SYT9: variants seen among roughly 807,000 people sequenced by gnomAD.
The protein encoded by SYT9 is synaptotagmin-9.
SYT9 carries 22 observed loss-of-function variants against 48.4 expected under a neutral mutation model. The observed-to-expected ratio is 0.45, with a 90% CI of 0.32 to 0.65. The LOEUF is 0.65. SYT9 is among the 30% of genes least tolerant of loss of function. The pLI is 0.03. For synonymous variants in SYT9, 265 were observed against 245.0 expected (o/e 1.08, Z -0.76); for missense variants, 577 against 622.0 (o/e 0.93, Z 0.77).
intron 3 of SYT9, among the ~76,000 whole-genome samples, chr11:7,405,309 C>A (rs754799581): frequency 5.3e-5 from 8 of 152,116 alleles, no homozygotes; most frequent in Non-Finnish European, 8.8e-5. Flanking sequence ...CAGTAACACA[C>A]CCTCCTCCAC....
chr11:7,387,507 C>T (rs1421725716), intron 3 of SYT9, among the ~76,000 whole-genome samples: 2 of 152,132 alleles, frequency 1.3e-5, no homozygotes, highest in Non-Finnish European at 2.9e-5. Flanking sequence ...ATCATGTCGT[C>T]TAACGATAAT....
At chr11:7,278,074 T>C (rs1274926337) in intron 1 of SYT9, among the ~76,000 whole-genome samples, 1 of 152,222 alleles carries the variant, frequency 6.6e-6, no homozygotes, top group Non-Finnish European at 1.5e-5. Flanking sequence ...GTGGGAACTT[T>C]CTGAAGAGTC....
At chr11:7,426,551 G>A (rs1445073394) in intron 6 of SYT9, among the ~76,000 whole-genome samples, 1 of 152,106 alleles carries the variant, frequency 6.6e-6, no homozygotes, top group Admixed American at 6.5e-5. Flanking sequence ...GCCATCACAG[G>A]CATCTTCTTC....
intron 1 of SYT9, among the ~76,000 whole-genome samples, chr11:7,287,753 G>A (rs1848622574): frequency 1.3e-5 from 2 of 152,222 alleles, no homozygotes; most frequent in South Asian, 4.2e-4. Context: ...AAATAATGAT[G>A]ACTTTTAACT....
rs777321443 is a variant in SYT9 at position 7,466,829 on chromosome 11, G to A, written c.*29G>A. 88 of 1,609,036 alleles carry A rather than the reference G, an allele frequency of 5.5e-5. No homozygotes were observed. In the Middle Eastern group the frequency reaches 6.6e-4, roughly 12 times the overall value. On this transcript the variant is annotated 3_prime_UTR_variant, in exon 7 of 7. Transcript: ENST00000318881. ...TGGGTAAGAGGACTGCTTGTGCCAA[G>A]GACAAAATAGGACAACCATCTCACA...
intron 6 of SYT9, among the ~76,000 whole-genome samples, chr11:7,446,656 C>A (rs1469440243): frequency 1.3e-5 from 2 of 152,190 alleles, no homozygotes; most frequent in Admixed American, 6.5e-5. Context: ...CCTGGCCATC[C>A]CCCCCAGCCT....
At chr11:7,466,518 C>T (rs1157706620) in intron 6 of SYT9, among the ~76,000 whole-genome samples, 1 of 151,966 alleles carries the variant, frequency 6.6e-6, no homozygotes, top group East Asian at 1.9e-4. Context: ...GTCAGGAGTT[C>T]GAGCCCAGCC....
chr11:7,433,845 A>G (rs1460297735), intron 6 of SYT9, among the ~76,000 whole-genome samples: 12 of 152,164 alleles, frequency 7.9e-5, no homozygotes. Context: ...AAATTATCCA[A>G]TCTAAGATAT....
intron 3 of SYT9, among the ~76,000 whole-genome samples, chr11:7,317,682 C>T (rs977685274): frequency 1.3e-5 from 2 of 152,098 alleles, no homozygotes; most frequent in African/African-American, 4.8e-5. Flanking sequence ...ATAACATATC[C>T]ATATTTATTT....
chr11:7,442,598 C>T (rs1847848151), intron 6 of SYT9, among the ~76,000 whole-genome samples: 1 of 152,158 alleles, frequency 6.6e-6, no homozygotes, highest in African/African-American at 2.4e-5. Flanking sequence ...AATTGGTCCC[C>T]CTCCTTTATG....
At chr11:7,254,314 A>G (rs1564837172) in intron 1 of SYT9, among the ~76,000 whole-genome samples, 1 of 152,142 alleles carries the variant, frequency 6.6e-6, no homozygotes, top group Non-Finnish European at 1.5e-5. Context: ...GCTCATGAGG[A>G]CAGGGGTGGG....
intron 6 of SYT9, among the ~76,000 whole-genome samples, chr11:7,429,033 C>A (rs963739124): frequency 2.6e-5 from 4 of 152,088 alleles, no homozygotes; most frequent in Admixed American, 6.5e-5. Flanking sequence ...ACTCACACTC[C>A]AGCAACAAAA....
chr11:7,369,150 T>C (rs1049849280), intron 3 of SYT9, among the ~76,000 whole-genome samples: 1 of 152,220 alleles, frequency 6.6e-6, no homozygotes, highest in African/African-American at 2.4e-5. Context: ...ATCTGTTGTT[T>C]CCTGACTTTT....
chr11:7,445,613 G>C lies in SYT9; in HGVS notation c.1468-21179G>C, dbSNP rs114664143. Reference sequence around the variant, plus strand: ...TTTTCTCTCTTTCTCATGGGCTTTCGCTGGCTGACGGTGGGATATAGTCAT... The same window carrying C: ...TTTTCTCTCTTTCTCATGGGCTTTCCCTGGCTGACGGTGGGATATAGTCAT... On this transcript the variant is annotated intron_variant, in intron 6 of 6. Transcript: ENST00000318881. 3.0e-3 allele frequency among the ~76,000 whole-genome samples: 462 copies of C among 152,162 alleles called. 2 individuals are homozygous for C. Among genetic ancestry groups the C allele is most frequent in the African/African-American group, 0.01 (419 of 41,492 alleles).
At position 7,417,904 on chromosome 11, in the gene SYT9, A is replaced by T. The variant is rs114820213; in HGVS notation, c.1166-53A>T. The T allele has an allele frequency of 9.9e-4, 1,548 of 1,569,526 alleles. 14 individuals are homozygous for T. The African/African-American group carries it at 0.018, about 18-fold the overall frequency. On this transcript the variant is annotated intron_variant, in intron 4 of 6. Transcript: ENST00000318881. Reference sequence around the variant, plus strand: ...AAAACTCACAGTGATATAACTGCCCACCTAAATCTATACGTATCCTCACAG... The same window carrying T: ...AAAACTCACAGTGATATAACTGCCCTCCTAAATCTATACGTATCCTCACAG...
chr11:7,303,016 C>T (rs1250717577), intron 1 of SYT9, 23 bp from the exon 2 acceptor site: 1 of 1,606,938 alleles, frequency 6.2e-7, no homozygotes, highest in African/African-American at 1.3e-5. Flanking sequence ...CCACACTGAC[C>T]TTTGATCTTT....
chr11:7,303,260 C>T lies in SYT9; in HGVS notation c.367C>T (p.Pro123Ser). 6.2e-7 allele frequency: 1 copy of T among 1,613,888 alleles called. No homozygotes were observed. Among genetic ancestry groups the T allele is most frequent in the Non-Finnish European group, 8.5e-7 (1 of 1,179,812 alleles). The part of the protein sequence containing the change: ...EDFLDPPTPC[P>S]DSSMKISHTS... ...CTTCCTAGATCCTCCCACGCCCTGC[C>T]CTGACTCCTCCATGAAGATCAGCCA... The change falls in exon 2 of 7, where the codon CCT becomes TCT. Residue 123 changes from proline (P) to serine (S), a missense_variant. Physicochemically the swap from Pro to Ser is moderately conservative, Grantham distance 74. Transcript: ENST00000318881.
upstream of SYT9, among the ~76,000 whole-genome samples, chr11:7,247,256 C>T (rs930725485): frequency 4.6e-5 from 7 of 152,034 alleles, no homozygotes. Context: ...GCCCCCTTCC[C>T]ACCCTTTCCC....
At chr11:7,365,555 C>T (rs942272974) in intron 3 of SYT9, among the ~76,000 whole-genome samples, 3 of 152,198 alleles carry the variant, frequency 2.0e-5, no homozygotes, top group South Asian at 2.1e-4. Context: ...TTGCTCACCA[C>T]GAAGCCTAAC....
Sources: allele counts gnomAD v4.1 joint callset (sites outside exome capture counted in the v4.1 genomes callset), GRCh38; gene constraint gnomAD v4.1.1; transcripts MANE v1.5; gene names NCBI Gene and HGNC (gene_info 2026-07-23, HGNC 2026-07-21).